DARS1: variants seen among roughly 807,000 people sequenced by gnomAD.
The protein encoded by DARS1 is aspartyl-tRNA synthetase 1, also known as aspartate--tRNA ligase, cytoplasmic.
A neutral mutation model predicts 68.8 loss-of-function variants in DARS1; 51 were observed. That is an observed-to-expected ratio of 0.74 (90% CI 0.59 to 0.94). DARS1 has a LOEUF of 0.94. Among genes scored for constraint, DARS1 ranks in the 40% least tolerant of loss-of-function variants. The probability of loss-of-function intolerance (pLI) is 0.00; values close to 1 mark genes in which losing one functional copy is unlikely to be tolerated. For missense variants in DARS1, 607 were observed against 597.3 expected, an observed-to-expected ratio of 1.02 and a Z score of -0.17; for synonymous variants, 203 against 190.4, an observed-to-expected ratio of 1.07 and a Z score of -0.55.
intron 5 of DARS1, among the ~76,000 whole-genome samples, chr2:135,941,632 T>A (rs1444083192): frequency 6.7e-6 from 1 of 150,106 alleles, no homozygotes; most frequent in East Asian, 1.9e-4. Context: ...CCAAAAGCAA[T>A]GGCAACAAAA....
chr2:135,965,523 T>C (rs996970432), intron 3 of DARS1, among the ~76,000 whole-genome samples: 14 of 152,314 alleles, frequency 9.2e-5, no homozygotes, highest in South Asian at 4.1e-4. Context: ...ACAGATTATT[T>C]ACCTCTCAAA....
chr2:135,974,702 C>A (rs1204484096), intron 3 of DARS1, among the ~76,000 whole-genome samples: 1 of 152,130 alleles, frequency 6.6e-6, no homozygotes, highest in Non-Finnish European at 1.5e-5. Flanking sequence ...TACTAGAGAA[C>A]CTACTAGTAT....
intron 1 of DARS1, among the ~76,000 whole-genome samples, chr2:135,984,896 G>C (rs1682735914): frequency 6.6e-6 from 1 of 152,150 alleles, no homozygotes; most frequent in Non-Finnish European, 1.5e-5. Context: ...GTCACTGAGA[G>C]GGAGAAAGTA....
intron 5 of DARS1, among the ~76,000 whole-genome samples, chr2:135,940,654 G>T (rs1304506630): frequency 6.6e-6 from 1 of 152,132 alleles, no homozygotes; most frequent in Non-Finnish European, 1.5e-5. Context: ...TGGAAGTTCT[G>T]GCCAGGGCAA....
Position 135,985,624 on chromosome 2 carries a change from G to A in DARS1, c.-156C>T, listed in dbSNP as rs1682772114. On this transcript the variant is annotated 5_prime_UTR_variant, in exon 1 of 16. Coordinates refer to ENST00000264161, the MANE Select transcript of DARS1 (RefSeq NM_001349.4). ...CCGCGTGGAGGTGCGGCTCCAGAAA[G>A]ATCGCGAGAGCTGCGGCTATCTCGA... 2.7e-6 allele frequency: 4 copies of A among 1,468,942 alleles called. No homozygotes were observed. Among genetic ancestry groups the A allele is most frequent in the East Asian group, 2.5e-5 (1 of 39,710 alleles). The allele number at this position is 1,468,942 out of a possible 1,614,324, so 91.0% of individuals were successfully genotyped here. A position where few individuals can be genotyped will look rare whatever the true frequency, so the allele number is the denominator to read the frequency against.
At chr2:135,915,944 C>T (rs1428827343) in intron 11 of DARS1, among the ~76,000 whole-genome samples, 1 of 152,096 alleles carries the variant, frequency 6.6e-6, no homozygotes, top group Non-Finnish European at 1.5e-5. Context: ...CTATAGTAAA[C>T]ACTTTTATTT....
At chr2:135,974,886 G>A (rs904586769) in intron 3 of DARS1, among the ~76,000 whole-genome samples, 1 of 152,018 alleles carries the variant, frequency 6.6e-6, no homozygotes, top group African/African-American at 2.4e-5. Context: ...ATATATAAAA[G>A]AAGTTCAAAA....
intron 3 of DARS1, among the ~76,000 whole-genome samples, chr2:135,975,902 T>C (rs1035317701): frequency 8.1e-5 from 12 of 147,314 alleles, no homozygotes; most frequent in African/African-American, 2.8e-4. Context: ...TGAGCTGAGA[T>C]TGCCTCACTG....
intron 8 of DARS1, 32 bp from the exon 9 acceptor site, chr2:135,922,950 A>C: frequency 6.8e-7 from 1 of 1,467,790 alleles, no homozygotes. Flanking sequence ...TTATATTATT[A>C]TAATCAATTG....
intron 4 of DARS1, among the ~76,000 whole-genome samples, chr2:135,943,987 A>T (rs1681663171): frequency 6.6e-6 from 1 of 152,178 alleles, no homozygotes; most frequent in Admixed American, 6.5e-5. Context: ...TTAGCTTCTG[A>T]GTATACTCCG....
chr2:135,927,332 T>G (rs1681241895), intron 7 of DARS1, among the ~76,000 whole-genome samples: 2 of 152,136 alleles, frequency 1.3e-5, no homozygotes, highest in African/African-American at 4.8e-5. Context: ...GCAACATATG[T>G]TAATTTCAAT....
At chr2:135,983,560 A>T (rs1682688942) in intron 1 of DARS1, 106 bp from the exon 2 acceptor site, 5 of 557,564 alleles carry the variant, frequency 9.0e-6, no homozygotes, top group South Asian at 7.6e-5. Context: ...AACTTTCAGG[A>T]TCATTTTATT....
intron 15 of DARS1, chr2:135,910,868 A>G: frequency 3.1e-6 from 1 of 320,848 alleles, no homozygotes; most frequent in South Asian, 4.4e-5. Context: ...TAGAGCTTTA[A>G]TTTGTGCTAA....
At chr2:135,941,199 C>A (rs148798639) in intron 5 of DARS1, among the ~76,000 whole-genome samples, 1 of 152,176 alleles carries the variant, frequency 6.6e-6, no homozygotes, top group Non-Finnish European at 1.5e-5. Context: ...GCCTGCATTG[C>A]GAAGACAATC....
chr2:135,970,664 A>G (rs1682349478), intron 3 of DARS1, among the ~76,000 whole-genome samples: 1 of 152,094 alleles, frequency 6.6e-6, no homozygotes, highest in Non-Finnish European at 1.5e-5. Flanking sequence ...TCAATGAAAC[A>G]AAAAGTTGGT....
chr2:135,953,174 A>T (rs539328974), intron 4 of DARS1, among the ~76,000 whole-genome samples: 1 of 148,668 alleles, frequency 6.7e-6, no homozygotes, highest in African/African-American at 2.5e-5. Flanking sequence ...ACAAAAAGCT[A>T]ATCTAAAAGG....
intron 3 of DARS1, chr2:135,978,852 T>C (rs1249970228): frequency 6.5e-6 from 1 of 154,646 alleles, no homozygotes; most frequent in Non-Finnish European, 1.4e-5. Context: ...TTGCCCAGTC[T>C]TATCTTTTGT....
rs1680785607 is a variant in DARS1, at chr2:135,906,624, T to A, written c.*692A>T. 6.6e-6 allele frequency: 1 copy of A among 152,202 alleles called. No individual in the cohort carries two copies. Among genetic ancestry groups the A allele is most frequent in the African/African-American group, 2.4e-5 (1 of 41,456 alleles). 9.4% of individuals were successfully genotyped at this position (152,202 alleles called of 1,614,324 possible). A position where few individuals can be genotyped will look rare whatever the true frequency, so the allele number is the denominator to read the frequency against. ...GTGTATTTTTTCTTTTACCAAATTA[T>A]GAATGCCTAGCACCACTTACAAAAT... On this transcript the variant is annotated 3_prime_UTR_variant, in exon 16 of 16. Transcript: ENST00000264161.
chr2:135,975,611 T>C (rs1682479655), intron 3 of DARS1, among the ~76,000 whole-genome samples: 1 of 151,680 alleles, frequency 6.6e-6, no homozygotes, highest in African/African-American at 2.4e-5. Flanking sequence ...CTGGCCAACA[T>C]GGTGAGACCC....
Sources: gnomAD v4.1 joint callset for allele counts (sites outside exome capture counted in the v4.1 genomes callset) on GRCh38, gnomAD v4.1.1 for gene constraint, MANE v1.5 for transcripts, NCBI Gene and HGNC (gene_info 2026-07-23, HGNC 2026-07-21) for gene names.